Variants in OSBPL3 observed in about 807,000 individuals in gnomAD.
The protein encoded by OSBPL3 is oxysterol-binding protein-related protein 3.
A neutral mutation model predicts 120.1 loss-of-function variants in OSBPL3; 65 were observed. That is an observed-to-expected ratio of 0.54 (90% CI 0.44 to 0.67). The LOEUF is 0.67. OSBPL3 is among the 30% of genes least tolerant of loss of function. OSBPL3 has a pLI of 0.00. For missense variants in OSBPL3, 1,004 were observed against 1,082.1 expected (o/e 0.93, Z 1.01); for synonymous variants, 416 against 402.6 (o/e 1.03, Z -0.40).
chr7:24,799,941 TTAAA>T lies in OSBPL3; in HGVS notation c.*238_*241del, dbSNP rs1253604329. ...ATGAACATTCAATCTTTCATTTTTA[TTAAA>T]TAGTTTATATATAAAAAGAAATGTC... On this transcript the variant is annotated 3_prime_UTR_variant, in exon 23 of 23. Transcript: ENST00000313367. The surrounding 1 kb of genome is among the most constrained non-coding windows in gnomAD (Gnocchi z 5.3). 4.9e-6 allele frequency: 1 copy of T among 204,612 alleles called. No homozygotes were observed. The highest frequency in any genetic ancestry group is 2.3e-5 in the African/African-American group (1 of 43,312). 12.7% of individuals were successfully genotyped at this position (204,612 alleles called of 1,614,324 possible).
chr7:24,831,262 G>A lies in OSBPL3; in HGVS notation c.1747-357C>T, dbSNP rs1001906666. 1.3e-5 allele frequency among the ~76,000 whole-genome samples: 2 copies of A among 152,124 alleles called. No homozygotes were observed. The highest frequency in any genetic ancestry group is 1.3e-4 in the Admixed American group (2 of 15,264). ...TCTGAGGATCCTAATATGGTGCTAA[G>A]CCTTCAGGGGTGGAGTGGGGAAAGA... On this transcript the variant is annotated intron_variant, in intron 15 of 22. Coordinates refer to ENST00000313367, the MANE Select transcript of OSBPL3 (RefSeq NM_015550.4). The surrounding 1 kb of genome is among the most constrained non-coding windows in gnomAD (Gnocchi z 4.0).
rs181271089 is a variant in OSBPL3, at chr7:24,918,819, A to C, written c.-149-26198T>G. ...TCTAAATGGAAGAAGAATGATTTTA[A>C]GGAAGAATTTAGAATCGTATTACAA... On this transcript the variant is annotated intron_variant, in intron 1 of 22. Transcript: ENST00000313367. This position sits in a 1 kb window ranked among gnomAD's most constrained non-coding sequence, Gnocchi z 4.3. 6.6e-6 allele frequency among the ~76,000 whole-genome samples: 1 copy of C among 152,352 alleles called. No homozygotes were observed. Among genetic ancestry groups the C allele is most frequent in the East Asian group, 1.9e-4 (1 of 5,192 alleles).
chr7:24,981,103 C>CG (rs1002291403), upstream of OSBPL3, among the ~76,000 whole-genome samples: 1 of 152,096 alleles, frequency 6.6e-6, no homozygotes, highest in African/African-American at 2.4e-5. This position sits in a 1 kb window ranked among gnomAD's most constrained non-coding sequence, Gnocchi z 7.3. Context: ...CCAGTACTCA[C>CG]GGGGCTTGCA....
intron 1 of OSBPL3, among the ~76,000 whole-genome samples, chr7:24,974,654 T>C (rs1563027985): frequency 6.6e-6 from 1 of 152,136 alleles, no homozygotes; most frequent in Non-Finnish European, 1.5e-5. Context: ...AATGGGGTAT[T>C]ACTAGGCAAT....
chr7:24,942,287 A>T (rs1007093687), intron 1 of OSBPL3, among the ~76,000 whole-genome samples: 1 of 152,202 alleles, frequency 6.6e-6, no homozygotes, highest in Non-Finnish European at 1.5e-5. Context: ...GTATTCTTTT[A>T]TACAACTAAT....
intron 1 of OSBPL3, among the ~76,000 whole-genome samples, chr7:24,915,578 A>ATTT (rs575722030): frequency 6.9e-6 from 1 of 144,306 alleles, no homozygotes. Flanking sequence ...CCAAACATTA[A>ATTT]TTTTTTTTTT....
rs1806475623 is a variant in OSBPL3 at position 24,898,335 on chromosome 7, C to T, written c.-149-5714G>A. On this transcript the variant is annotated intron_variant, in intron 1 of 22. Coordinates refer to ENST00000313367, the MANE Select transcript of OSBPL3 (RefSeq NM_015550.4). This position sits in a 1 kb window ranked among gnomAD's most constrained non-coding sequence, Gnocchi z 4.3. ...CTGGTCTGATCCAAAGGCACCCATA[C>T]CTGACTGTTTCTGGGAGAGGAGTAC... 6.6e-6 allele frequency among the ~76,000 whole-genome samples: 1 copy of T among 152,202 alleles called. No individual in the cohort carries two copies. The highest frequency in any genetic ancestry group is 1.5e-5 in the Non-Finnish European group (1 of 68,042).
chr7:24,904,918 G>GGGGTGTGTGTGTGT (rs376069147), intron 1 of OSBPL3, among the ~76,000 whole-genome samples: 1 of 132,860 alleles, frequency 7.5e-6, no homozygotes, highest in Non-Finnish European at 1.6e-5. Flanking sequence ...ATAATATACA[G>GGGGTGTGTGTGTGT]GTGTGTGTGT....
At position 24,900,134 on chromosome 7, in the gene OSBPL3, C is replaced by G. The variant is rs916097993; in HGVS notation, c.-149-7513G>C. 5.3e-5 allele frequency among the ~76,000 whole-genome samples: 8 copies of G among 152,166 alleles called. No individual in the cohort carries two copies. Among genetic ancestry groups the G allele is most frequent in the Non-Finnish European group, 1.2e-4 (8 of 68,034 alleles). On this transcript the variant is annotated intron_variant, in intron 1 of 22. Coordinates refer to ENST00000313367, the MANE Select transcript of OSBPL3 (RefSeq NM_015550.4). This position sits in a 1 kb window ranked among gnomAD's most constrained non-coding sequence, Gnocchi z 4.5. ...TGGGACCTTGTTAGGAATGCAAAAT[C>G]TCTGACCCTACCACAGACCAACAAA...
Position 24,936,733 on chromosome 7 carries a change from G to T in OSBPL3, c.-150+43153C>A, listed in dbSNP as rs1584674427. 6.6e-6 allele frequency among the ~76,000 whole-genome samples: 1 copy of T among 152,196 alleles called. No individual in the cohort carries two copies. The highest frequency in any genetic ancestry group is 6.5e-5 in the Admixed American group (1 of 15,272). On this transcript the variant is annotated intron_variant, in intron 1 of 22. Coordinates refer to ENST00000313367, the MANE Select transcript of OSBPL3 (RefSeq NM_015550.4). The surrounding 1 kb of genome is among the most constrained non-coding windows in gnomAD (Gnocchi z 4.2). ...GTAGAAGTTAGGGAAGATGTGAAGG[G>T]ATATGATTCTGGAAACAATCGTGAA...
chr7:24,937,785 C>T lies in OSBPL3; in HGVS notation c.-150+42101G>A, dbSNP rs1316658815. 6.6e-6 allele frequency among the ~76,000 whole-genome samples: 1 copy of T among 152,218 alleles called. No homozygotes were observed. The highest frequency in any genetic ancestry group is 1.5e-5 in the Non-Finnish European group (1 of 68,046). ...TTGCCATTAATAAAACATGAGCTCC[C>T]ATCTTACATGTCTTTGCCCATACTT... On this transcript the variant is annotated intron_variant, in intron 1 of 22. Transcript: ENST00000313367. The surrounding 1 kb of genome is among the most constrained non-coding windows in gnomAD (Gnocchi z 4.0).
chr7:24,915,239 T>C (rs986073140), intron 1 of OSBPL3, among the ~76,000 whole-genome samples: 9 of 152,124 alleles, frequency 5.9e-5, no homozygotes, highest in Admixed American at 6.5e-5. Context: ...ACCAAGAAAA[T>C]AGCTGATTCT....
intron 20 of OSBPL3, among the ~76,000 whole-genome samples, chr7:24,807,700 C>T (rs1052817408): frequency 5.9e-5 from 9 of 152,052 alleles, no homozygotes; most frequent in African/African-American, 2.2e-4. Context: ...CATTCCTACC[C>T]TTTTTACCAA....
intron 18 of OSBPL3, among the ~76,000 whole-genome samples, chr7:24,816,106 C>T (rs1420539723): frequency 6.6e-6 from 1 of 152,216 alleles, no homozygotes. Context: ...TCACTGTAGC[C>T]TCAACCTCCC....
chr7:24,893,285 T>C (rs528671203), intron 1 of OSBPL3, among the ~76,000 whole-genome samples: 1 of 152,326 alleles, frequency 6.6e-6, no homozygotes, highest in South Asian at 2.1e-4. Flanking sequence ...TGGAATATTA[T>C]TCAGATATTA....
Position 24,918,297 on chromosome 7 carries a change from A to G in OSBPL3, c.-149-25676T>C, listed in dbSNP as rs1399415320. 2.0e-5 allele frequency among the ~76,000 whole-genome samples: 3 copies of G among 152,144 alleles called. No homozygotes were observed. The highest frequency in any genetic ancestry group is 6.5e-5 in the Admixed American group (1 of 15,276). On this transcript the variant is annotated intron_variant, in intron 1 of 22. Transcript: ENST00000313367. This position sits in a 1 kb window ranked among gnomAD's most constrained non-coding sequence, Gnocchi z 4.3. ...CCCTAAGTTTCCCTCCTTGGTTCTC[A>G]TGACCACATAACTGTGCCATCCCCA...
chr7:24,846,883 T>C (rs1003737915), intron 12 of OSBPL3, among the ~76,000 whole-genome samples: 1 of 151,814 alleles, frequency 6.6e-6, no homozygotes, highest in Non-Finnish European at 1.5e-5. Context: ...GCTAACATGG[T>C]GAAACCCTGT....
Position 24,831,637 on chromosome 7 carries a change from C to CT in OSBPL3, c.1747-733dup, listed in dbSNP as rs1796377708. Among the ~76,000 whole-genome samples the CT allele has an allele frequency of 6.6e-6, 1 of 152,216 alleles. No individual in the cohort carries two copies. On this transcript the variant is annotated intron_variant, in intron 15 of 22. Coordinates refer to ENST00000313367, the MANE Select transcript of OSBPL3 (RefSeq NM_015550.4). The surrounding 1 kb of genome is among the most constrained non-coding windows in gnomAD (Gnocchi z 4.0). Reference sequence around the variant, plus strand: ...GGGCATCAGGGAGGCACATTACCTTCTTTGTCTTTTCTTCCATGTATGTAA... The same window carrying CT: ...GGGCATCAGGGAGGCACATTACCTTCTTTTGTCTTTTCTTCCATGTATGTAA...
At position 24,871,689 on chromosome 7, in the gene OSBPL3, G is replaced by A. The variant is rs1802133936; in HGVS notation, c.267+53C>T. 1.5e-6 allele frequency: 2 copies of A among 1,302,906 alleles called. No homozygotes were observed. The highest frequency in any genetic ancestry group is 1.5e-5 in the African/African-American group (1 of 68,188). The allele number at this position is 1,302,906 out of a possible 1,614,324, so 80.7% of individuals were successfully genotyped here. A position where few individuals can be genotyped will look rare whatever the true frequency, so the allele number is the denominator to read the frequency against. ...TACACACTCTCATCTCTGAGCTGATGGTTACCCCTTTAGGATTCTTCAATA... is the reference window on the plus strand; with the variant it reads ...TACACACTCTCATCTCTGAGCTGATAGTTACCCCTTTAGGATTCTTCAATA... On this transcript the variant is annotated intron_variant, in intron 4 of 22. Transcript: ENST00000313367. The surrounding 1 kb of genome is among the most constrained non-coding windows in gnomAD (Gnocchi z 4.8).
Sources: allele counts gnomAD v4.1 joint callset (sites outside exome capture counted in the v4.1 genomes callset), GRCh38; gene constraint gnomAD v4.1.1; non-coding constraint Gnocchi (gnomAD v3.1); transcripts MANE v1.5; gene names NCBI Gene and HGNC (gene_info 2026-07-23, HGNC 2026-07-21).